Variants in BRD4 observed in about 807,000 individuals in gnomAD.
The protein encoded by BRD4 is bromodomain containing 4.
In BRD4, 16 loss-of-function variants were observed where a neutral mutation model predicts 142.1. That is an observed-to-expected ratio of 0.11 (90% CI 0.08 to 0.17). The LOEUF (loss-of-function observed/expected upper bound fraction) is 0.17, where lower values mean the gene tolerates loss of function less well. Ranked by LOEUF, BRD4 falls within the 10% of genes least tolerant of loss-of-function variation. The pLI is 1.00. For missense variants in BRD4, 1,424 were observed against 1,810.9 expected (o/e 0.79, Z 3.88); for synonymous variants, 833 against 707.5 (o/e 1.18, Z -2.82).
chr19:15,269,076 TA>T, intron 2 of BRD4, 34 bp from the exon 3 acceptor site: 1 of 1,611,668 alleles, frequency 6.2e-7, no homozygotes, highest in Non-Finnish European at 8.5e-7. Flanking sequence ...CAGTGTCACC[TA>T]GGCAGCCAGG....
At chr19:15,284,625 G>C (rs2047727316) in intron 1 of BRD4, among the ~76,000 whole-genome samples, 1 of 152,192 alleles carries the variant, frequency 6.6e-6, no homozygotes. Flanking sequence ...AAGCCACCCA[G>C]ATAACCCATT....
Position 15,239,226 on chromosome 19 carries a change from T to G in BRD4, c.3615A>C (p.Leu1205=). Residue 1205 remains leucine (L), a synonymous_variant, in exon 18 of 20, where the codon CTA becomes CTC. Coordinates refer to ENST00000679869, the MANE Select transcript of BRD4 (RefSeq NM_001379291.1). This position sits in a 1 kb window ranked among gnomAD's most constrained non-coding sequence, Gnocchi z 7.4. ...AGGGGGTGGTCGGATGCTTCTGCAC[T>G]AGGCTGGCCCAGGAGCCCATGTTCT... is the stretch of plus-strand genomic sequence containing the variant. ...KIKNMGSWAS[L]VQKHPTTPSS... is the part of the protein sequence containing the mutation. The G allele has an allele frequency of 6.2e-7, 1 of 1,613,146 alleles. No individual in the cohort carries two copies. Among genetic ancestry groups the G allele is most frequent in the Non-Finnish European group, 8.5e-7 (1 of 1,179,972 alleles).
chr19:15,238,865 G>C lies in BRD4; in HGVS notation c.3898C>G (p.Gln1300Glu). 1 of 1,600,254 alleles carries C rather than the reference G, an allele frequency of 6.2e-7. No individual in the cohort carries two copies. Among genetic ancestry groups the C allele is most frequent in the Non-Finnish European group, 8.5e-7 (1 of 1,174,190 alleles). The stretch of plus-strand genomic sequence containing the variant: ...GCGGCGGCAGCCACCGCAGCTGCTT[G>C]CTGTTGCTGCTGCTGCTGTTGCTCC... Reference protein sequence around the residue: ...RQEQQQQQQQQAAAVAAAATP... With the variant: ...RQEQQQQQQQEAAAVAAAATP... Residue 1300 changes from glutamine (Q) to glutamate (E), a missense_variant, in exon 19 of 20, where the codon CAA (glutamine) becomes GAA (glutamate). By Grantham distance (29) the Gln-to-Glu change is conservative. Transcript: ENST00000679869. The surrounding 1 kb of genome is among the most constrained non-coding windows in gnomAD (Gnocchi z 7.2).
chr19:15,272,218 G>GC (rs1403737608), intron 2 of BRD4, among the ~76,000 whole-genome samples: 3 of 152,144 alleles, frequency 2.0e-5, no homozygotes, highest in South Asian at 4.1e-4. Flanking sequence ...AAGCACAAGA[G>GC]CAAGTGTGCT....
intron 1 of BRD4, among the ~76,000 whole-genome samples, chr19:15,289,131 GGTTCTGACAACTAGTGCCCTAA>G (rs1051504493): frequency 7.9e-5 from 12 of 152,154 alleles, no homozygotes; most frequent in Non-Finnish European, 1.3e-4. Context: ...CTGTTTTCTG[GGTTCTGACAACTAGTGCCCTAA>G]GCCAGAGGCC....
chr19:15,255,676 G>T, intron 9 of BRD4, 84 bp from the exon 10 acceptor site: 1 of 1,485,866 alleles, frequency 6.7e-7, no homozygotes, highest in Non-Finnish European at 9.0e-7. Flanking sequence ...ATGTTGGGGG[G>T]AAGGGGTGCC....
intron 1 of BRD4, among the ~76,000 whole-genome samples, chr19:15,278,823 C>T (rs2047677698): frequency 6.6e-6 from 1 of 152,008 alleles, no homozygotes; most frequent in Non-Finnish European, 1.5e-5. Context: ...AATTCATAGA[C>T]CTCTGATTAA....
chr19:15,280,493 A>G (rs2047695355), intron 1 of BRD4: 1 of 980,356 alleles, frequency 1.0e-6, no homozygotes, highest in Non-Finnish European at 1.2e-6. Flanking sequence ...CTCTCCCTGC[A>G]GCACCTGGCC....
intron 1 of BRD4, among the ~76,000 whole-genome samples, chr19:15,320,485 TA>T (rs1184544944): frequency 1.3e-5 from 2 of 152,252 alleles, no homozygotes; most frequent in Admixed American, 1.3e-4. Flanking sequence ...ATAAGTTATA[TA>T]AATAACAACT....
intron 1 of BRD4, among the ~76,000 whole-genome samples, chr19:15,281,167 C>T (rs748275932): frequency 2.6e-5 from 4 of 152,224 alleles, no homozygotes; most frequent in Non-Finnish European, 1.5e-5. Flanking sequence ...GGCCGTGCGC[C>T]GAGGCAGCTC....
At chr19:15,270,247 G>A (rs1237387921) in intron 2 of BRD4, among the ~76,000 whole-genome samples, 1 of 152,230 alleles carries the variant, frequency 6.6e-6, no homozygotes, top group Non-Finnish European at 1.5e-5. Flanking sequence ...GACAGCGTTG[G>A]AAAGGCCAGC....
Position 15,257,129 on chromosome 19 carries a change from C to A in BRD4, c.1386G>T (p.Glu462Asp). 6.2e-7 allele frequency: 1 copy of A among 1,609,226 alleles called. No individual in the cohort carries two copies. The part of the protein sequence containing the change: ...MRFAKMPDEP[E>D]EPVVAVSSPA... The stretch of plus-strand genomic sequence containing the variant: ...GGGAGGACACGGCCACCACTGGCTC[C>A]TCAGGCTCGTCCGGCATCTTGGCAA... Residue 462 changes from glutamate (E) to aspartate (D), a missense_variant, in exon 8 of 20, where the codon GAG (glutamate) becomes GAT (aspartate). Glu to Asp is a conservative substitution (Grantham distance 45, BLOSUM62 2). This residue lies in a region of BRD4 where 90 missense variants were observed against 93.2 expected (regional missense o/e 0.97). Coordinates refer to ENST00000679869, the MANE Select transcript of BRD4 (RefSeq NM_001379291.1).
At chr19:15,282,334 G>A (rs547688504) in intron 1 of BRD4, among the ~76,000 whole-genome samples, 66 of 152,356 alleles carry the variant, frequency 4.3e-4, no homozygotes, top group African/African-American at 1.4e-3. Context: ...AATGCAGGAT[G>A]CAAAATTACA....
chr19:15,250,377 G>C (rs759080176), intron 11 of BRD4, among the ~76,000 whole-genome samples: 1 of 152,194 alleles, frequency 6.6e-6, no homozygotes. Context: ...CCTGGAGATG[G>C]ACTAAGTCCC....
At chr19:15,313,095 G>C (rs1267518110) in intron 1 of BRD4, among the ~76,000 whole-genome samples, 2 of 151,568 alleles carry the variant, frequency 1.3e-5, no homozygotes, top group African/African-American at 2.4e-5. Flanking sequence ...ATTGTGGCCG[G>C]GCACGGTGGC....
rs1454526483 is a variant in BRD4, at chr19:15,308,495, A to G, written c.-35+23795T>C. The stretch of plus-strand genomic sequence containing the variant: ...CCAGCTACTCAGGAGGCTGAGGCAG[A>G]ACAATCGCTTGAACCCAGGAAGCGG... On this transcript the variant is annotated intron_variant, in intron 1 of 19. Transcript: ENST00000679869. Among the ~76,000 whole-genome samples the G allele has an allele frequency of 2.7e-5, 4 of 150,922 alleles. No homozygotes were observed. In the Middle Eastern group the frequency reaches 0.014, roughly 524 times the overall value.
intron 1 of BRD4, among the ~76,000 whole-genome samples, chr19:15,288,203 T>C (rs982217424): frequency 1.3e-5 from 2 of 152,204 alleles, no homozygotes; most frequent in East Asian, 1.9e-4. Flanking sequence ...GGCGTACAAA[T>C]ACATGTTTCA....
intron 7 of BRD4, 43 bp from the exon 8 acceptor site, chr19:15,257,216 G>A (rs1296270009): frequency 2.6e-6 from 4 of 1,545,700 alleles, no homozygotes; most frequent in African/African-American, 1.3e-5. Flanking sequence ...TGGGTACCCA[G>A]GCCGCGGCCT....
chr19:15,308,838 AC>A (rs1214535531), intron 1 of BRD4, among the ~76,000 whole-genome samples: 1 of 149,278 alleles, frequency 6.7e-6, no homozygotes, highest in Non-Finnish European at 1.5e-5. Flanking sequence ...GCATGGTGAA[AC>A]CCCGTCTCTA....
Sources: allele counts gnomAD v4.1 joint callset (sites outside exome capture counted in the v4.1 genomes callset), GRCh38; gene constraint gnomAD v4.1.1; regional missense constraint gnomAD v4.1.1; non-coding constraint Gnocchi (gnomAD v3.1); transcripts MANE v1.5; gene names NCBI Gene and HGNC (gene_info 2026-07-23, HGNC 2026-07-21).